WSB1: variants seen among roughly 807,000 people sequenced by gnomAD.
WSB1 encodes WD repeat and SOCS box-containing protein 1.
Under a neutral mutation model 50.2 loss-of-function variants are expected in WSB1, and 23 were observed. The ratio of observed to expected loss-of-function variants is 0.46; its 90% CI spans 0.33 to 0.65. The LOEUF (loss-of-function observed/expected upper bound fraction) is 0.65, where lower values mean the gene tolerates loss of function less well. Ranked by LOEUF, WSB1 falls within the 30% of genes least tolerant of loss-of-function variation. The pLI, the probability that WSB1 is intolerant of heterozygous loss-of-function variation, is 0.02. For missense variants in WSB1, 492 were observed against 522.3 expected (o/e 0.94, Z 0.56); for synonymous variants, 179 against 172.0 (o/e 1.04, Z -0.32).
Position 27,309,226 on chromosome 17 carries a change from G to C in WSB1, c.838G>C (p.Val280Leu). 2 of 1,611,862 alleles carry C rather than the reference G, an allele frequency of 1.2e-6. No homozygotes were observed. The highest frequency in any genetic ancestry group is 4.5e-5 in the East Asian group (2 of 44,784). Residue 280 changes from valine (V) to leucine (L), a missense_variant, in exon 6 of 9, where the codon GTA becomes CTA. Transcript: ENST00000262394. ...LLATASYDTR[V>L]YIWDPHNGDI... The stretch of plus-strand genomic sequence containing the variant: ...GGCTACTGCATCTTATGATACTCGA[G>C]TATATATCTGGGATCCACATAATGG...
chr17:27,309,970 A>AC (rs2017610998), intron 6 of WSB1, 91 bp from the exon 7 acceptor site: 1 of 956,702 alleles, frequency 1.0e-6, no homozygotes, highest in African/African-American at 1.6e-5. Context: ...GCTACTTTAA[A>AC]CACTATTCAA....
intron 1 of WSB1, among the ~76,000 whole-genome samples, chr17:27,295,126 G>C (rs2016899420): frequency 6.6e-6 from 1 of 152,200 alleles, no homozygotes; most frequent in South Asian, 2.1e-4. Context: ...GTTGAAGGTT[G>C]TGCGTCCACA....
chr17:27,309,589 A>AT (rs397857862), intron 6 of WSB1, among the ~76,000 whole-genome samples: 49,153 of 146,974 alleles, frequency 0.33, 8,245 homozygotes, highest in Middle Eastern at 0.45. Context: ...ATCATAAAAG[A>AT]TTTTTTTTTT....
chr17:27,300,971 C>T (rs1260511565), intron 1 of WSB1, among the ~76,000 whole-genome samples: 2 of 152,180 alleles, frequency 1.3e-5, no homozygotes, highest in Non-Finnish European at 2.9e-5. Context: ...CAACTTCCGC[C>T]TCCTGGGTTC....
intron 2 of WSB1, chr17:27,302,482 A>G (rs2150833449): frequency 7.6e-6 from 1 of 131,282 alleles, no homozygotes; most frequent in East Asian, 2.0e-4. Flanking sequence ...TAAAAGTCAG[A>G]TTGTGTCTAA....
chr17:27,301,820 C>T lies in WSB1; in HGVS notation c.73C>T (p.Pro25Ser). 1 of 1,614,050 alleles carries T rather than the reference C, an allele frequency of 6.2e-7. No homozygotes were observed. The change falls in exon 2 of 9, where the codon CCT becomes TCT. Residue 25 changes from proline (P) to serine (S), a missense_variant. Coordinates refer to ENST00000262394, the MANE Select transcript of WSB1 (RefSeq NM_015626.10). Reference protein sequence around the residue: ...RLRTIGELLAPAAPFDKKCGR... With the variant: ...RLRTIGELLASAAPFDKKCGR... ...ACGTACTATAGGTGAACTTTTAGCT[C>T]CTGCAGCTCCTTTTGACAAGAAATG...
At chr17:27,299,211 GT>G (rs1461181760) in intron 1 of WSB1, among the ~76,000 whole-genome samples, 2 of 152,224 alleles carry the variant, frequency 1.3e-5, no homozygotes, top group African/African-American at 4.8e-5. Context: ...GGGTCACCAA[GT>G]TTGTGAATTT....
intron 8 of WSB1, among the ~76,000 whole-genome samples, 163 bp downstream of exon 8, chr17:27,311,779 A>C (rs574442704): frequency 2.0e-5 from 3 of 151,348 alleles, no homozygotes; most frequent in African/African-American, 7.3e-5. Flanking sequence ...CTACAGGTGC[A>C]CACCACCAGT....
chr17:27,307,075 A>G (rs1171232079), intron 5 of WSB1, 193 bp downstream of exon 5: 5 of 590,192 alleles, frequency 8.5e-6, no homozygotes, highest in African/African-American at 7.6e-5. Context: ...GAGAAGTTGG[A>G]TTGTTTTTAG....
intron 6 of WSB1, among the ~76,000 whole-genome samples, chr17:27,309,482 C>T (rs2017582886): frequency 1.3e-5 from 2 of 152,172 alleles, no homozygotes; most frequent in Admixed American, 6.5e-5. Context: ...TGCTACTTAA[C>T]AGTACCCAGC....
chr17:27,305,443 G>T (rs1365655600), intron 4 of WSB1, among the ~76,000 whole-genome samples: 1 of 152,184 alleles, frequency 6.6e-6, no homozygotes, highest in Non-Finnish European at 1.5e-5. Flanking sequence ...AAGATACGTT[G>T]GTGTCAAGTA....
Position 27,312,583 on chromosome 17 carries a change from A to T in WSB1, c.*214A>T. On this transcript the variant is annotated 3_prime_UTR_variant, in exon 9 of 9. Transcript: ENST00000262394. ...ATATCAAATATAAATTTTTTTAAAGATCTAACTGTGAAAACATACATACCT... is the reference window on the plus strand; with the variant it reads ...ATATCAAATATAAATTTTTTTAAAGTTCTAACTGTGAAAACATACATACCT... 1.7e-6 allele frequency: 1 copy of T among 581,698 alleles called. No homozygotes were observed. The allele number at this position is 581,698 out of a possible 1,614,324, so 36.0% of individuals were successfully genotyped here.
At chr17:27,304,535 CAAAAAAAAAAAAAAAAA>C (rs10660665) in intron 3 of WSB1, among the ~76,000 whole-genome samples, 3 of 38,696 alleles carry the variant, frequency 7.8e-5, no homozygotes, top group East Asian at 1.0e-3. Flanking sequence ...TCCATCTCTC[CAAAAAAAAAAAAAAAAA>C]AAAAAAAAAA....
intron 1 of WSB1, among the ~76,000 whole-genome samples, chr17:27,298,791 G>A (rs1236212082): frequency 6.6e-6 from 1 of 152,174 alleles, no homozygotes. Flanking sequence ...TTGAACCCAG[G>A]AGGCGGAGGT....
intron 5 of WSB1, chr17:27,308,030 T>C: frequency 1.7e-6 from 2 of 1,208,258 alleles, no homozygotes; most frequent in Non-Finnish European, 2.1e-6. Flanking sequence ...TTTTCCAGTT[T>C]TATGGAATTG....
At chr17:27,300,530 G>C (rs1445292900) in intron 1 of WSB1, among the ~76,000 whole-genome samples, 1 of 151,978 alleles carries the variant, frequency 6.6e-6, no homozygotes, top group Non-Finnish European at 1.5e-5. Context: ...ATTTTTGTTA[G>C]GAATACAAAA....
intron 3 of WSB1, 131 bp downstream of exon 3, chr17:27,303,766 A>G (rs928299556): frequency 8.9e-6 from 10 of 1,128,570 alleles, no homozygotes; most frequent in African/African-American, 1.6e-5. Context: ...GTGCGTCTTT[A>G]TAATAGACCT....
chr17:27,302,939 C>A, intron 2 of WSB1: 1 of 165,888 alleles, frequency 6.0e-6, no homozygotes, highest in Non-Finnish European at 1.3e-5. Flanking sequence ...CTATGGGAAA[C>A]TGATCATTAT....
In WSB1 at chr17:27,294,139, T is replaced by C; in HGVS notation, c.-257T>C. On this transcript the variant is annotated 5_prime_UTR_variant, in exon 1 of 9. Transcript: ENST00000262394. ...AGTGTCTCGTTTGCAGTCGGCGCTTTAGGGGAACTGTCTTCCTCCGCAGGC... is the reference window on the plus strand; with the variant it reads ...AGTGTCTCGTTTGCAGTCGGCGCTTCAGGGGAACTGTCTTCCTCCGCAGGC... 1 of 329,212 alleles carries C rather than the reference T, an allele frequency of 3.0e-6. No homozygotes were observed. The highest frequency in any genetic ancestry group is 5.5e-6 in the Non-Finnish European group (1 of 180,286). The allele number at this position is 329,212 out of a possible 1,614,324, so 20.4% of individuals were successfully genotyped here.
Sources: allele counts gnomAD v4.1 joint callset (sites outside exome capture counted in the v4.1 genomes callset), GRCh38; gene constraint gnomAD v4.1.1; transcripts MANE v1.5; gene names NCBI Gene and HGNC (gene_info 2026-07-23, HGNC 2026-07-21).